FOXN3: variants seen among roughly 807,000 people sequenced by gnomAD.
FOXN3 encodes the protein forkhead box protein N3.
A neutral mutation model predicts 38.4 loss-of-function variants in FOXN3; 7 were observed. The ratio of observed to expected loss-of-function variants is 0.18; its 90% confidence interval spans 0.10 to 0.34. FOXN3 has a LOEUF of 0.34. Among genes scored for constraint, FOXN3 ranks in the 10% least tolerant of loss-of-function variants. FOXN3 has a pLI of 1.00. For missense variants in FOXN3, 456 were observed against 613.4 expected, an observed-to-expected ratio of 0.74 and a Z score of 2.71; for synonymous variants, 230 against 242.2, an observed-to-expected ratio of 0.95 and a Z score of 0.47.
chr14:89,533,456 G>A (rs1463683629), intron 1 of FOXN3, among the ~76,000 whole-genome samples: 1 of 152,134 alleles, frequency 6.6e-6, no homozygotes, highest in African/African-American at 2.4e-5. Context: ...GAAGTCAGGA[G>A]ATCCAGACCA....
At chr14:89,352,541 C>G (rs980131514) in intron 2 of FOXN3, among the ~76,000 whole-genome samples, 1 of 152,170 alleles carries the variant, frequency 6.6e-6, no homozygotes, top group African/African-American at 2.4e-5. Flanking sequence ...ATCAAAGGCT[C>G]CCGGTGGAGC....
intron 1 of FOXN3, among the ~76,000 whole-genome samples, chr14:89,549,478 G>T (rs1894957049): frequency 6.6e-6 from 1 of 152,002 alleles, no homozygotes; most frequent in South Asian, 2.1e-4. Flanking sequence ...CATCCTCTGA[G>T]CAGAGCCCTC....
intron 3 of FOXN3, among the ~76,000 whole-genome samples, chr14:89,339,965 TG>T (rs1174361060): frequency 6.6e-6 from 1 of 151,684 alleles, no homozygotes; most frequent in African/African-American, 2.4e-5. Context: ...GGTTTGGGGG[TG>T]GGGGGCAATT....
chr14:89,526,525 A>C (rs1464207257), intron 1 of FOXN3, among the ~76,000 whole-genome samples: 1 of 152,202 alleles, frequency 6.6e-6, no homozygotes, highest in Non-Finnish European at 1.5e-5. Flanking sequence ...AATAATTGAA[A>C]TGCTGAAAGA....
At position 89,454,799 on chromosome 14, in the gene FOXN3, CTT is replaced by C. The variant is rs546581702; in HGVS notation, c.-14-42311_-14-42310del. ...TGTTCTTTTTAACATTAAACAATAACTTATAATCAGAAGGAAAAAATGAACTC... is the reference window on the plus strand; with the variant it reads ...TGTTCTTTTTAACATTAAACAATAACATAATCAGAAGGAAAAAATGAACTC... On this transcript the variant is annotated intron_variant, in intron 1 of 6. Coordinates refer to the FOXN3 transcript ENST00000345097. Among the ~76,000 whole-genome samples, 395 of 152,296 alleles carry C rather than the reference CTT, an allele frequency of 2.6e-3. 2 individuals carry two copies. Among genetic ancestry groups the C allele is most frequent in the African/African-American group, 8.9e-3 (372 of 41,568 alleles).
At chr14:89,451,190 C>G (rs1459681071) in intron 1 of FOXN3, among the ~76,000 whole-genome samples, 1 of 152,166 alleles carries the variant, frequency 6.6e-6, no homozygotes, top group African/African-American at 2.4e-5. Flanking sequence ...ATCAGACATA[C>G]CTTAGCTGTC....
intron 1 of FOXN3, among the ~76,000 whole-genome samples, chr14:89,423,974 A>C (rs538478723): frequency 6.6e-6 from 1 of 152,252 alleles, no homozygotes; most frequent in Non-Finnish European, 1.5e-5. Context: ...CCAGCCTATT[A>C]GATTCAGCAG....
intron 3 of FOXN3, among the ~76,000 whole-genome samples, chr14:89,308,213 G>A (rs1442311636): frequency 6.6e-6 from 1 of 152,214 alleles, no homozygotes; most frequent in African/African-American, 2.4e-5. Flanking sequence ...TCAGTGAGCA[G>A]AGACTGTACC....
chr14:89,360,874 C>T (rs1596217690), intron 2 of FOXN3, among the ~76,000 whole-genome samples: 2 of 60,018 alleles, frequency 3.3e-5, no homozygotes, highest in Non-Finnish European at 7.2e-5. Flanking sequence ...TCCACCACCA[C>T]CTCCACCACC....
At chr14:89,406,080 G>A (rs1566643443) in intron 2 of FOXN3, among the ~76,000 whole-genome samples, 2 of 152,086 alleles carry the variant, frequency 1.3e-5, no homozygotes, top group Non-Finnish European at 2.9e-5. Flanking sequence ...CTGAGTAGCC[G>A]GGACTACAGG....
At chr14:89,191,963 C>CAT (rs1388896583) in intron 4 of FOXN3, among the ~76,000 whole-genome samples, 15 of 72,988 alleles carry the variant, frequency 2.1e-4, no homozygotes, top group African/African-American at 1.2e-3. Context: ...TATATATATA[C>CAT]ACATATATAT....
chr14:89,403,569 C>T (rs550592218), intron 2 of FOXN3, among the ~76,000 whole-genome samples: 3 of 152,252 alleles, frequency 2.0e-5, no homozygotes, highest in Non-Finnish European at 4.4e-5. Flanking sequence ...GAGAATTATC[C>T]TGCAGCCAAA....
chr14:89,517,579 G>C (rs2139816839), intron 1 of FOXN3, among the ~76,000 whole-genome samples: 1 of 152,244 alleles, frequency 6.6e-6, no homozygotes, highest in Middle Eastern at 3.4e-3. Context: ...ACTATAACAA[G>C]AGCACGGTCA....
At chr14:89,499,528 C>T (rs1369011982) in intron 1 of FOXN3, among the ~76,000 whole-genome samples, 1 of 150,894 alleles carries the variant, frequency 6.6e-6, no homozygotes. Flanking sequence ...CTTCTAAGGG[C>T]CTACCCAGCT....
chr14:89,539,768 A>C (rs1164132420), intron 1 of FOXN3, among the ~76,000 whole-genome samples: 4 of 152,210 alleles, frequency 2.6e-5, no homozygotes, highest in Non-Finnish European at 5.9e-5. Flanking sequence ...CTGCTGCGTG[A>C]GACACTGATG....
chr14:89,609,901 G>A (rs1371493560), intron 1 of FOXN3, among the ~76,000 whole-genome samples: 6 of 151,772 alleles, frequency 4.0e-5, no homozygotes, highest in South Asian at 4.2e-4. Flanking sequence ...GGGCGGGGGC[G>A]GCGGCGGCTG....
chr14:89,525,219 G>C (rs1894410418), intron 1 of FOXN3, among the ~76,000 whole-genome samples: 1 of 152,134 alleles, frequency 6.6e-6, no homozygotes, highest in Non-Finnish European at 1.5e-5. Flanking sequence ...GTCAGCACAA[G>C]ATACAGATCA....
chr14:89,302,929 T>C (rs1274588037), intron 3 of FOXN3, among the ~76,000 whole-genome samples: 2 of 152,158 alleles, frequency 1.3e-5, no homozygotes, highest in East Asian at 3.9e-4. Flanking sequence ...GTGTAGGGCA[T>C]TCTTTGCCTG....
intron 1 of FOXN3, among the ~76,000 whole-genome samples, chr14:89,438,883 C>T (rs1194057630): frequency 6.6e-6 from 1 of 152,024 alleles, no homozygotes; most frequent in East Asian, 1.9e-4. Flanking sequence ...CCTGCCTCAG[C>T]TTGAGTAGCT....
Sources: gnomAD v4.1 joint callset for allele counts (sites outside exome capture counted in the v4.1 genomes callset) on GRCh38, gnomAD v4.1.1 for gene constraint, MANE v1.5 for transcripts, NCBI Gene and HGNC (gene_info 2026-07-23, HGNC 2026-07-21) for gene names.